The following SLC44A5 variants were observed in gnomAD, a reference collection of about 807,000 sequenced individuals.
SLC44A5 encodes the protein solute carrier family 44 member 5.
SLC44A5 carries 57 observed loss-of-function variants against 101.8 expected under a neutral mutation model. The ratio of observed to expected loss-of-function variants is 0.56; its 90% CI spans 0.45 to 0.70. SLC44A5 has a LOEUF of 0.70. Ranked by LOEUF, SLC44A5 falls within the 30% of genes least tolerant of loss-of-function variation. SLC44A5 has a pLI of 0.00. For missense variants in SLC44A5, 737 were observed against 853.1 expected (o/e 0.86, Z 1.70); for synonymous variants, 281 against 290.9 (o/e 0.97, Z 0.35).
chr1:75,415,217 G>A (rs141383135), intron 2 of SLC44A5, among the ~76,000 whole-genome samples: 172 of 152,282 alleles, frequency 1.1e-3, no homozygotes, highest in Non-Finnish European at 2.1e-3. Context: ...TAATTCCCAC[G>A]TGTTGTGGGA....
chr1:75,285,294 C>T (rs1309631834), intron 5 of SLC44A5, among the ~76,000 whole-genome samples: 3 of 151,904 alleles, frequency 2.0e-5, no homozygotes, highest in Non-Finnish European at 2.9e-5. Flanking sequence ...AGGTGTTCAT[C>T]GTAGCCTTAA....
At chr1:75,468,707 G>A (rs973946477) in intron 2 of SLC44A5, among the ~76,000 whole-genome samples, 1 of 152,010 alleles carries the variant, frequency 6.6e-6, no homozygotes, top group African/African-American at 2.4e-5. Flanking sequence ...ATGTGGGGAT[G>A]GTTAATGGGT....
At chr1:75,383,587 A>G (rs954738914) in intron 3 of SLC44A5, among the ~76,000 whole-genome samples, 1 of 152,230 alleles carries the variant, frequency 6.6e-6, no homozygotes, top group African/African-American at 2.4e-5. Flanking sequence ...TGATTGGTGT[A>G]CCTGAAAGTG....
intron 7 of SLC44A5, among the ~76,000 whole-genome samples, chr1:75,245,450 A>G (rs1649024735): frequency 6.6e-6 from 1 of 152,116 alleles, no homozygotes; most frequent in Non-Finnish European, 1.5e-5. Flanking sequence ...CCATTAACAT[A>G]TTAGGAGATA....
At chr1:75,493,963 G>A (rs188685322) in intron 2 of SLC44A5, among the ~76,000 whole-genome samples, 80 of 152,320 alleles carry the variant, frequency 5.3e-4, no homozygotes, top group African/African-American at 1.9e-3. Context: ...GCAATCTCTA[G>A]TCCTCTGGAA....
In SLC44A5 at chr1:75,545,023, A is replaced by T. The variant is rs1436249181; in HGVS notation, c.-69-3507T>A. 3.3e-5 allele frequency among the ~76,000 whole-genome samples: 5 copies of T among 151,930 alleles called. No individual in the cohort carries two copies. The South Asian group carries it at 6.3e-4, about 19-fold the overall frequency. ...CCGTCCCCTAGCCCCCCACCCTCCA[A>T]AAGGCCCTGGTGTGTGACGTTCCCC... On this transcript the variant is annotated intron_variant, in intron 1 of 23. Coordinates refer to ENST00000370859, the MANE Select transcript of SLC44A5 (RefSeq NM_001130058.2).
chr1:75,347,509 C>T (rs566548021), intron 3 of SLC44A5, among the ~76,000 whole-genome samples: 53 of 152,060 alleles, frequency 3.5e-4, no homozygotes, highest in Admixed American at 9.8e-4. Context: ...TGGTAAACTA[C>T]GATCTCTCAC....
At chr1:75,299,491 A>T (rs1376402926) in intron 5 of SLC44A5, among the ~76,000 whole-genome samples, 1 of 152,214 alleles carries the variant, frequency 6.6e-6, no homozygotes, top group Non-Finnish European at 1.5e-5. Context: ...TCTTTCTGCT[A>T]ATACATTCTA....
chr1:75,632,691 C>A, the SLC44A5 span, among the ~76,000 whole-genome samples: 1 of 152,134 alleles, frequency 6.6e-6, no homozygotes. Flanking sequence ...TCCAGAAAAA[C>A]TAAGACTCTA....
Position 75,299,829 on chromosome 1 carries a change from T to C in SLC44A5, c.175+783A>G, listed in dbSNP as rs538922669. On this transcript the variant is annotated intron_variant, in intron 5 of 23. Coordinates refer to ENST00000370859, the MANE Select transcript of SLC44A5 (RefSeq NM_001130058.2). ...ATCAAGACCATCCTGGCCAACATGG[T>C]GAAACCTTGTCTCTACTAAAAAAAA... Among the ~76,000 whole-genome samples, 7 of 146,576 alleles carry C rather than the reference T, an allele frequency of 4.8e-5. No homozygotes were observed. In the East Asian group the frequency reaches 6.7e-4, roughly 14 times the overall value.
chr1:75,387,100 A>T (rs561346780), intron 3 of SLC44A5, among the ~76,000 whole-genome samples: 1 of 152,360 alleles, frequency 6.6e-6, no homozygotes, highest in South Asian at 2.1e-4. Flanking sequence ...CTAAAACCAT[A>T]AAAATCCTAG....
chr1:75,701,521 C>T, the SLC44A5 span, among the ~76,000 whole-genome samples: 4 of 152,166 alleles, frequency 2.6e-5, no homozygotes, highest in Admixed American at 2.6e-4. Flanking sequence ...ATAATAAGAG[C>T]TATCTATGAC....
chr1:75,264,965 C>A (rs76980494), intron 6 of SLC44A5, among the ~76,000 whole-genome samples: 1 of 151,926 alleles, frequency 6.6e-6, no homozygotes, highest in African/African-American at 2.4e-5. Flanking sequence ...AAATGAAAAA[C>A]GCTATCAGAG....
At chr1:75,575,802 C>T (rs1030077806) in intron 1 of SLC44A5, among the ~76,000 whole-genome samples, 3 of 152,174 alleles carry the variant, frequency 2.0e-5, no homozygotes, top group South Asian at 2.1e-4. Context: ...GGTGAGTTAA[C>T]CATAAGCACA....
chr1:75,211,085 T>C (rs146938296), intron 23 of SLC44A5, among the ~76,000 whole-genome samples: 2 of 152,298 alleles, frequency 1.3e-5, no homozygotes, highest in East Asian at 3.9e-4. Flanking sequence ...TTATTAACTA[T>C]AGTCACCATG....
intron 2 of SLC44A5, among the ~76,000 whole-genome samples, chr1:75,418,001 AAC>A (rs1663766344): frequency 2.0e-5 from 3 of 152,244 alleles, no homozygotes; most frequent in Non-Finnish European, 4.4e-5. Flanking sequence ...CAAGCACAAA[AAC>A]ACTCAGGAAA....
intron 2 of SLC44A5, among the ~76,000 whole-genome samples, chr1:75,433,904 A>G (rs1255447893): frequency 6.6e-6 from 1 of 152,166 alleles, no homozygotes; most frequent in East Asian, 1.9e-4. Flanking sequence ...CAGGCAAGAC[A>G]GAATGAGAAC....
chr1:75,655,095 C>T, the SLC44A5 span, among the ~76,000 whole-genome samples: 2 of 152,186 alleles, frequency 1.3e-5, no homozygotes, highest in Admixed American at 1.3e-4. Flanking sequence ...TCTAAGCTCC[C>T]CCAAATTAGC....
intron 3 of SLC44A5, among the ~76,000 whole-genome samples, chr1:75,384,541 A>C (rs1350663939): frequency 7.1e-5 from 7 of 98,522 alleles, no homozygotes; most frequent in South Asian, 4.2e-4. Flanking sequence ...ATACAGGAGC[A>C]CCCAGATTCA....
Sources: gnomAD v4.1 joint callset for allele counts (sites outside exome capture counted in the v4.1 genomes callset) on GRCh38, gnomAD v4.1.1 for gene constraint, MANE v1.5 for transcripts, NCBI Gene and HGNC (gene_info 2026-07-23, HGNC 2026-07-21) for gene names.